The following CHODL variants were observed in gnomAD, a reference collection of about 807,000 sequenced individuals.
The protein encoded by CHODL is chondrolectin.
In CHODL, 29 loss-of-function variants were observed where a neutral mutation model predicts 34.5. That is an observed-to-expected ratio of 0.84 (90% confidence interval 0.63 to 1.15). The LOEUF is 1.15. CHODL is among the 50% of genes most tolerant of loss of function. The probability of loss-of-function intolerance (pLI) is 0.00; values close to 1 mark genes in which losing one functional copy is unlikely to be tolerated. For synonymous variants in CHODL, 125 were observed against 116.1 expected (o/e 1.08, Z -0.49); for missense variants, 332 against 332.5 (o/e 1.00, Z 0.01).
intron 2 of CHODL, among the ~76,000 whole-genome samples, chr21:18,188,153 T>C (rs1453390999): frequency 6.6e-6 from 1 of 152,120 alleles, no homozygotes; most frequent in Non-Finnish European, 1.5e-5. Context: ...TTGGATTTCA[T>C]CACAATACCC....
intron 2 of CHODL, among the ~76,000 whole-genome samples, chr21:18,129,310 C>T (rs1044729836): frequency 2.0e-5 from 3 of 151,340 alleles, no homozygotes; most frequent in African/African-American, 4.9e-5. Flanking sequence ...TGTGGGATTG[C>T]TTTTGGTTTA....
At chr21:18,130,649 G>T (rs1371530019) in intron 2 of CHODL, among the ~76,000 whole-genome samples, 1 of 152,002 alleles carries the variant, frequency 6.6e-6, no homozygotes. Flanking sequence ...TAACCAATCT[G>T]CTTGAAAAAA....
intron 1 of CHODL, among the ~76,000 whole-genome samples, chr21:17,923,829 T>G (rs1223832247): frequency 3.3e-5 from 5 of 152,056 alleles, no homozygotes; most frequent in Non-Finnish European, 7.4e-5. Context: ...GCCCTATAAT[T>G]TAGAAAAGGT....
chr21:18,079,471 A>G (rs2064909049), intron 2 of CHODL, among the ~76,000 whole-genome samples: 1 of 148,732 alleles, frequency 6.7e-6, no homozygotes, highest in Admixed American at 6.8e-5. Flanking sequence ...TATATATCAC[A>G]TATATATACC....
At chr21:18,062,048 C>G (rs1568866584) in intron 2 of CHODL, among the ~76,000 whole-genome samples, 1 of 151,972 alleles carries the variant, frequency 6.6e-6, no homozygotes, top group Non-Finnish European at 1.5e-5. Context: ...GAAGACAAGG[C>G]AAGTGAAGTT....
At chr21:18,000,427 G>T (rs1181881567) in intron 1 of CHODL, among the ~76,000 whole-genome samples, 1 of 152,164 alleles carries the variant, frequency 6.6e-6, no homozygotes, top group African/African-American at 2.4e-5. Flanking sequence ...AGTTGGGAGT[G>T]CTCTTCTGCC....
In CHODL at chr21:18,260,658, C is replaced by CA. The variant is rs200392465; in HGVS notation, c.634+378dup. On this transcript the variant is annotated intron_variant, in intron 4 of 5. Transcript: ENST00000299295. ...TGAGACCCCATCTCTGCAAAAAATA[C>CA]AAAAAACTAGCCTGGCGTGGAGGTA... is the stretch of plus-strand genomic sequence containing the variant. 6.2e-3 allele frequency among the ~76,000 whole-genome samples: 937 copies of CA among 151,992 alleles called. 12 individuals carry two copies. Among genetic ancestry groups the CA allele is most frequent in the African/African-American group, 0.022 (914 of 41,468 alleles).
chr21:17,998,817 C>A (rs1169692320), intron 1 of CHODL, among the ~76,000 whole-genome samples: 1 of 152,184 alleles, frequency 6.6e-6, no homozygotes, highest in South Asian at 2.1e-4. Flanking sequence ...ACTTTTTCCT[C>A]CTAGGCCTCC....
intron 2 of CHODL, among the ~76,000 whole-genome samples, chr21:18,070,396 C>G (rs1331270456): frequency 6.6e-6 from 1 of 151,620 alleles, no homozygotes; most frequent in East Asian, 1.9e-4. Context: ...AGAGGGATTT[C>G]ACAAAATTCA....
chr21:17,996,297 C>T (rs1279859041), intron 1 of CHODL, among the ~76,000 whole-genome samples: 2 of 152,160 alleles, frequency 1.3e-5, no homozygotes, highest in Admixed American at 1.3e-4. Flanking sequence ...TGAAGGTACT[C>T]AACCAAGAGA....
chr21:18,162,254 C>A (rs995997786), intron 2 of CHODL, among the ~76,000 whole-genome samples: 1 of 152,074 alleles, frequency 6.6e-6, no homozygotes, highest in Non-Finnish European at 1.5e-5. Flanking sequence ...AAAAGCCCAA[C>A]ATCAAGGTGT....
At chr21:17,938,647 G>A (rs1027018890) in intron 1 of CHODL, among the ~76,000 whole-genome samples, 2 of 151,624 alleles carry the variant, frequency 1.3e-5, no homozygotes, top group Non-Finnish European at 2.9e-5. Flanking sequence ...CCTGGCTAAT[G>A]TTTTGTATTT....
intron 1 of CHODL, among the ~76,000 whole-genome samples, chr21:17,937,428 G>C (rs1386687475): frequency 6.6e-6 from 1 of 152,212 alleles, no homozygotes; most frequent in South Asian, 2.1e-4. Context: ...CCTGGGAACA[G>C]GCAGATCAAG....
intron 2 of CHODL, among the ~76,000 whole-genome samples, chr21:18,199,688 A>C (rs571744811): frequency 8.5e-5 from 13 of 152,266 alleles, no homozygotes; most frequent in Non-Finnish European, 1.6e-4. Flanking sequence ...TCTATTACAT[A>C]ATGTCATATA....
intron 2 of CHODL, among the ~76,000 whole-genome samples, chr21:18,112,258 T>A (rs555890627): frequency 6.6e-6 from 1 of 152,168 alleles, no homozygotes; most frequent in East Asian, 1.9e-4. Context: ...TGAAGGAAAT[T>A]GAAGGGGAAA....
chr21:18,160,410 G>A (rs912485297), intron 2 of CHODL, among the ~76,000 whole-genome samples: 9 of 151,970 alleles, frequency 5.9e-5, no homozygotes, highest in African/African-American at 1.7e-4. Context: ...TGTCATGGGG[G>A]TTTGTTGTAC....
chr21:18,237,476 G>C (rs1340680078), intron 2 of CHODL, among the ~76,000 whole-genome samples: 1 of 152,106 alleles, frequency 6.6e-6, no homozygotes, highest in Non-Finnish European at 1.5e-5. Context: ...GGAAAGGAAG[G>C]TACTGGGGAG....
chr21:18,158,442 C>T (rs1175548721), intron 2 of CHODL, among the ~76,000 whole-genome samples: 2 of 152,138 alleles, frequency 1.3e-5, no homozygotes, highest in African/African-American at 2.4e-5. Flanking sequence ...AATTAGAAGA[C>T]AGACCTTCAT....
At chr21:17,998,992 T>C (rs527616903) in intron 1 of CHODL, among the ~76,000 whole-genome samples, 1 of 152,336 alleles carries the variant, frequency 6.6e-6, no homozygotes, top group South Asian at 2.1e-4. Context: ...TACTGCATTG[T>C]CAGGCTGCAA....
Sources: allele counts gnomAD v4.1 joint callset (sites outside exome capture counted in the v4.1 genomes callset), GRCh38; gene constraint gnomAD v4.1.1; transcripts MANE v1.5; gene names NCBI Gene and HGNC (gene_info 2026-07-23, HGNC 2026-07-21).